Variants in SLAMF6 observed in about 807,000 individuals in gnomAD.
SLAMF6 encodes NK-T-B-antigen.
A neutral mutation model predicts 38.3 loss-of-function variants in SLAMF6; 21 were observed. The observed-to-expected ratio is 0.55, with a 90% CI of 0.39 to 0.79. The LOEUF (loss-of-function observed/expected upper bound fraction) is 0.79. SLAMF6 is among the 30% of genes least tolerant of loss of function. SLAMF6 has a pLI of 0.00. For synonymous variants in SLAMF6, 152 were observed against 146.3 expected (o/e 1.04, Z -0.28); for missense variants, 341 against 385.3 (o/e 0.89, Z 0.96).
chr1:160,521,381 AG>A (rs1361496627), intron 1 of SLAMF6, among the ~76,000 whole-genome samples: 1 of 152,116 alleles, frequency 6.6e-6, no homozygotes, highest in Admixed American at 6.6e-5. Flanking sequence ...TATATTTCAT[AG>A]GGTCATTATA....
At chr1:160,499,545 CT>C (rs1035586564) in intron 1 of SLAMF6, among the ~76,000 whole-genome samples, 1 of 151,986 alleles carries the variant, frequency 6.6e-6, no homozygotes, top group East Asian at 1.9e-4. Flanking sequence ...TATTTGGGCT[CT>C]TTTTTTGGTT....
At chr1:160,498,615 C>T (rs1273259161) in intron 1 of SLAMF6, among the ~76,000 whole-genome samples, 1 of 152,188 alleles carries the variant, frequency 6.6e-6, no homozygotes, top group Non-Finnish European at 1.5e-5. Flanking sequence ...TTACCTCCTA[C>T]CAGGTCCCTC....
chr1:160,487,038 T>A (rs185120890), intron 7 of SLAMF6, 66 bp downstream of exon 7: 7 of 1,392,798 alleles, frequency 5.0e-6, no homozygotes, highest in Non-Finnish European at 1.0e-6. Flanking sequence ...TTTTACTTTA[T>A]TTGAAAAATC....
intron 1 of SLAMF6, among the ~76,000 whole-genome samples, chr1:160,515,375 T>C (rs1264444573): frequency 1.3e-5 from 2 of 151,482 alleles, no homozygotes; most frequent in Non-Finnish European, 3.0e-5. Flanking sequence ...ATAAATAGTC[T>C]AAAAGAAAAA....
chr1:160,486,624 G>T lies in SLAMF6; in HGVS notation c.*83C>A. 7.1e-7 allele frequency: 1 copy of T among 1,418,394 alleles called. No individual in the cohort carries two copies. Among genetic ancestry groups the T allele is most frequent in the South Asian group, 1.2e-5 (1 of 86,278 alleles). 87.9% of individuals were successfully genotyped at this position (1,418,394 alleles called of 1,614,324 possible). On this transcript the variant is annotated 3_prime_UTR_variant, in exon 8 of 8. Transcript: ENST00000368057. ...CAAATTCTGTTGCCAGGAACAACAG[G>T]AACCAAGCTTCCTGTTCTTTGTTCT...
intron 1 of SLAMF6, among the ~76,000 whole-genome samples, chr1:160,515,895 A>C (rs955615760): frequency 6.6e-6 from 1 of 152,194 alleles, no homozygotes; most frequent in Non-Finnish European, 1.5e-5. Context: ...AACAACCAAT[A>C]TTATACTGAA....
intron 1 of SLAMF6, among the ~76,000 whole-genome samples, chr1:160,519,080 A>G (rs1374204599): frequency 1.3e-5 from 2 of 152,220 alleles, no homozygotes. Context: ...GTCTGGTTCC[A>G]AGAATGTATA....
At chr1:160,504,905 T>C (rs1226008095) in intron 1 of SLAMF6, among the ~76,000 whole-genome samples, 1 of 152,214 alleles carries the variant, frequency 6.6e-6, no homozygotes, top group Non-Finnish European at 1.5e-5. Flanking sequence ...TCTAAGATTT[T>C]ATCTATGGCT....
In SLAMF6 at chr1:160,503,176, G is replaced by A. The variant is rs796563052; in HGVS notation, c.50-6783C>T. On this transcript the variant is annotated intron_variant, in intron 1 of 7. Coordinates refer to ENST00000368057, the MANE Select transcript of SLAMF6 (RefSeq NM_001184714.2). The stretch of plus-strand genomic sequence containing the variant: ...AAAGGGGAAGAAGTTGGAATATTTC[G>A]CTTATGTTTTTCTCAAAGTTGTTCT... Among the ~76,000 whole-genome samples the A allele has an allele frequency of 8.5e-5, 13 of 152,166 alleles. No individual in the cohort carries two copies. The South Asian group carries it at 1.0e-3, about 12-fold the overall frequency.
intron 1 of SLAMF6, among the ~76,000 whole-genome samples, chr1:160,499,546 T>G (rs1653771166): frequency 6.6e-6 from 1 of 152,150 alleles, no homozygotes; most frequent in Non-Finnish European, 1.5e-5. Context: ...ATTTGGGCTC[T>G]TTTTTTGGTT....
At chr1:160,490,832 G>A in intron 3 of SLAMF6, 147 bp from the exon 4 acceptor site, 1 of 1,262,972 alleles carries the variant, frequency 7.9e-7, no homozygotes, top group Non-Finnish European at 1.1e-6. Context: ...AGTCCTATGT[G>A]GCAGGCAGGG....
At chr1:160,511,151 A>C (rs962017697) in intron 1 of SLAMF6, among the ~76,000 whole-genome samples, 2 of 152,192 alleles carry the variant, frequency 1.3e-5, no homozygotes, top group Non-Finnish European at 2.9e-5. Flanking sequence ...GATACCACCA[A>C]AAGCAATTTA....
intron 5 of SLAMF6, 65 bp downstream of exon 5, chr1:160,490,133 C>T (rs541469841): frequency 1.3e-6 from 2 of 1,560,742 alleles, no homozygotes; most frequent in African/African-American, 1.4e-5. Flanking sequence ...TGCCATCCCC[C>T]TCTCTCTTCC....
At chr1:160,493,616 A>G (rs12137007) in intron 2 of SLAMF6, among the ~76,000 whole-genome samples, 28,611 of 152,132 alleles carry the variant, frequency 0.19, 2,871 homozygotes, top group Admixed American at 0.26. Flanking sequence ...TGTCTAACAA[A>G]TATTGTTGAC....
At chr1:160,495,945 C>T in intron 2 of SLAMF6, 116 bp downstream of exon 2, 3 of 926,026 alleles carry the variant, frequency 3.2e-6, no homozygotes, top group Non-Finnish European at 4.9e-6. Flanking sequence ...GACTCAATGA[C>T]TCCAAATGCC....
At chr1:160,510,535 C>T (rs754812308) in intron 1 of SLAMF6, among the ~76,000 whole-genome samples, 35 of 151,828 alleles carry the variant, frequency 2.3e-4, no homozygotes, top group Non-Finnish European at 5.0e-4. Flanking sequence ...TGAAAAAAAC[C>T]AGCACCTTTT....
intron 1 of SLAMF6, among the ~76,000 whole-genome samples, chr1:160,503,788 C>T (rs1018596999): frequency 2.6e-5 from 4 of 151,950 alleles, no homozygotes; most frequent in Admixed American, 2.6e-4. Context: ...AGCAACCAAA[C>T]AAATGATGGG....
At position 160,490,653 on chromosome 1, in the gene SLAMF6, T is replaced by G. The variant is rs1244376503; in HGVS notation, c.679A>C (p.Ile227Leu). The stretch of plus-strand genomic sequence containing the variant: ...CATATCCCAGAAACCATAAACAGAA[T>G]CATTTTGGTATCTGTATATTGAATT... ...VKIQYTDTKM[I>L]LFMVSGICIV... The change falls in exon 4 of 8, where the codon ATT (isoleucine) becomes CTT (leucine). Residue 227 changes from isoleucine to leucine, a missense_variant. Transcript: ENST00000368057. 6.2e-7 allele frequency: 1 copy of G among 1,613,598 alleles called. No individual in the cohort carries two copies. Among genetic ancestry groups the G allele is most frequent in the Non-Finnish European group, 8.5e-7 (1 of 1,179,804 alleles).
At chr1:160,509,326 A>G (rs1213253022) in intron 1 of SLAMF6, among the ~76,000 whole-genome samples, 1 of 152,218 alleles carries the variant, frequency 6.6e-6, no homozygotes, top group Non-Finnish European at 1.5e-5. Context: ...ATGCAGCCAT[A>G]AAAAAGGAAG....
Sources: gnomAD v4.1 joint callset for allele counts (sites outside exome capture counted in the v4.1 genomes callset) on GRCh38, gnomAD v4.1.1 for gene constraint, MANE v1.5 for transcripts, NCBI Gene and HGNC (gene_info 2026-07-23, HGNC 2026-07-21) for gene names.